LRRC8B: variants seen among roughly 807,000 people sequenced by gnomAD.
LRRC8B encodes volume-regulated anion channel subunit LRRC8B.
Under a neutral mutation model 58.8 loss-of-function variants are expected in LRRC8B, and 23 were observed. The observed-to-expected ratio is 0.39, with a 90% CI of 0.28 to 0.55. The LOEUF is 0.55. LRRC8B is among the 20% of genes least tolerant of loss of function. The pLI is 0.62. For synonymous variants in LRRC8B, 359 were observed against 374.1 expected (o/e 0.96, Z 0.47); for missense variants, 694 against 936.0 (o/e 0.74, Z 3.37).
At chr1:89,573,117 G>A (rs561677632) in intron 3 of LRRC8B, among the ~76,000 whole-genome samples, 3 of 152,112 alleles carry the variant, frequency 2.0e-5, no homozygotes, top group African/African-American at 7.2e-5. Flanking sequence ...TAGCTAACAT[G>A]GTGAAAACCC....
chr1:89,531,388 T>A (rs902324965), intron 1 of LRRC8B, among the ~76,000 whole-genome samples: 2 of 152,212 alleles, frequency 1.3e-5, no homozygotes, highest in African/African-American at 4.8e-5. Flanking sequence ...AATGGCCAGA[T>A]GGTTAATGCT....
At chr1:89,526,280 TCTCGGCTCACTGCAAC>T (rs1407662035) in intron 1 of LRRC8B, among the ~76,000 whole-genome samples, 13 of 152,234 alleles carry the variant, frequency 8.5e-5, no homozygotes, top group African/African-American at 3.1e-4. Context: ...AGTAGTGCGA[TCTCGGCTCACTGCAAC>T]CTCCACCTCC....
At chr1:89,588,539 A>G (rs1312558071) in intron 5 of LRRC8B, among the ~76,000 whole-genome samples, 1 of 152,196 alleles carries the variant, frequency 6.6e-6, no homozygotes, top group Non-Finnish European at 1.5e-5. Context: ...AGATGAGACC[A>G]TTTAGTAAGG....
At chr1:89,572,692 G>C (rs1255804444) in intron 3 of LRRC8B, 2 of 152,162 alleles carry the variant, frequency 1.3e-5, no homozygotes, top group African/African-American at 4.8e-5. Flanking sequence ...GTGGTGTTGG[G>C]GGGTGGTCAG....
intron 1 of LRRC8B, among the ~76,000 whole-genome samples, chr1:89,563,346 G>C (rs1320590426): frequency 6.6e-6 from 1 of 152,068 alleles, no homozygotes; most frequent in Non-Finnish European, 1.5e-5. Flanking sequence ...TATCAGACCT[G>C]TCTGCAGCAT....
intron 1 of LRRC8B, among the ~76,000 whole-genome samples, chr1:89,557,672 C>G (rs1196930714): frequency 6.6e-6 from 1 of 152,234 alleles, no homozygotes; most frequent in Non-Finnish European, 1.5e-5. Context: ...CTCACTCTCA[C>G]TAGTGCGAGG....
chr1:89,568,755 A>AT (rs1653219420), intron 3 of LRRC8B, among the ~76,000 whole-genome samples: 1 of 152,050 alleles, frequency 6.6e-6, no homozygotes, highest in African/African-American at 2.4e-5. Flanking sequence ...GATATTTGTC[A>AT]TTTTTTAACA....
chr1:89,596,260 A>T lies in LRRC8B; in HGVS notation c.*3217A>T, dbSNP rs1034559526. Reference sequence around the variant, plus strand: ...CTTTTCCTAACTTACATCAGGGTACATCTGTGTGGCACACAGATACTATCT... The same window carrying T: ...CTTTTCCTAACTTACATCAGGGTACTTCTGTGTGGCACACAGATACTATCT... On this transcript the variant is annotated 3_prime_UTR_variant, in exon 6 of 6. Transcript: ENST00000330947. 2.0e-5 allele frequency: 3 copies of T among 152,152 alleles called. No individual in the cohort carries two copies. Among genetic ancestry groups the T allele is most frequent in the Non-Finnish European group, 2.9e-5 (2 of 67,974 alleles). The allele number at this position is 152,152 out of a possible 1,614,324, so 9.4% of individuals were successfully genotyped here.
chr1:89,596,945 A>G lies in LRRC8B; in HGVS notation c.*3902A>G, dbSNP rs1477543521. On this transcript the variant is annotated 3_prime_UTR_variant, in exon 6 of 6. Transcript: ENST00000330947. ...ATTGCATCAGAATCTGTTTATTTCT[A>G]TCTGGAAACAGACAGAATGGTGGGG... 6.6e-6 allele frequency: 1 copy of G among 152,158 alleles called. No individual in the cohort carries two copies. Among genetic ancestry groups the G allele is most frequent in the African/African-American group, 2.4e-5 (1 of 41,458 alleles). 9.4% of individuals were successfully genotyped at this position (152,158 alleles called of 1,614,324 possible).
intron 1 of LRRC8B, among the ~76,000 whole-genome samples, chr1:89,545,442 G>A (rs1056066398): frequency 2.0e-5 from 3 of 152,116 alleles, no homozygotes; most frequent in Admixed American, 6.6e-5. Context: ...TAAACAGAAG[G>A]GCAGGACAAG....
chr1:89,560,519 A>G (rs1276335576), intron 1 of LRRC8B, among the ~76,000 whole-genome samples: 3 of 150,924 alleles, frequency 2.0e-5, no homozygotes, highest in Non-Finnish European at 4.4e-5. Flanking sequence ...TATATCTCCC[A>G]ATGCTATCCC....
intron 1 of LRRC8B, among the ~76,000 whole-genome samples, chr1:89,543,572 T>C (rs138195610): frequency 1.3e-5 from 2 of 152,250 alleles, no homozygotes; most frequent in East Asian, 3.9e-4. Flanking sequence ...CTCAGCTCAC[T>C]GCAACCTCTG....
chr1:89,533,128 A>C (rs1570552620), intron 1 of LRRC8B, among the ~76,000 whole-genome samples: 1 of 152,352 alleles, frequency 6.6e-6, no homozygotes, highest in South Asian at 2.1e-4. Context: ...AGCATAGTCT[A>C]TCTGCCAGCA....
chr1:89,594,007 A>T lies in LRRC8B; in HGVS notation c.*964A>T, dbSNP rs1570660370. On this transcript the variant is annotated 3_prime_UTR_variant, in exon 6 of 6. Coordinates refer to ENST00000330947, the MANE Select transcript of LRRC8B (RefSeq NM_001369817.2). ...AGGAGCTGAGTATTTAAGATGTATTATCCTCGGGGCATCCTGAAAATTAAT... is the reference window on the plus strand; with the variant it reads ...AGGAGCTGAGTATTTAAGATGTATTTTCCTCGGGGCATCCTGAAAATTAAT... 3 of 152,338 alleles carry T rather than the reference A, an allele frequency of 2.0e-5. No homozygotes were observed. The highest frequency in any genetic ancestry group is 2.0e-4 in the Admixed American group (3 of 15,304). The allele number at this position is 152,338 out of a possible 1,614,324, so 9.4% of individuals were successfully genotyped here. A position where few individuals can be genotyped will look rare whatever the true frequency, so the allele number is the denominator to read the frequency against.
chr1:89,531,719 G>A (rs1054032391), intron 1 of LRRC8B, among the ~76,000 whole-genome samples: 9 of 152,152 alleles, frequency 5.9e-5, no homozygotes, highest in Non-Finnish European at 1.0e-4. Context: ...CAAATCTCCC[G>A]AACAAATGAC....
At chr1:89,531,724 A>G (rs1355091313) in intron 1 of LRRC8B, among the ~76,000 whole-genome samples, 1 of 152,220 alleles carries the variant, frequency 6.6e-6, no homozygotes, top group Non-Finnish European at 1.5e-5. Context: ...CTCCCGAACA[A>G]ATGACAGCTT....
intron 1 of LRRC8B, among the ~76,000 whole-genome samples, chr1:89,545,344 C>G (rs1387447393): frequency 6.6e-6 from 1 of 152,126 alleles, no homozygotes; most frequent in East Asian, 1.9e-4. Context: ...ACATTTGATT[C>G]CGACAATTTA....
Position 89,583,987 on chromosome 1 carries a change from G to T in LRRC8B, c.1337G>T (p.Ser446Ile), listed in dbSNP as rs748578600. 22 of 1,614,108 alleles carry T rather than the reference G, an allele frequency of 1.4e-5. No homozygotes were observed. The highest frequency in any genetic ancestry group is 1.9e-5 in the Non-Finnish European group (22 of 1,180,058). The stretch of plus-strand genomic sequence containing the variant: ...GAGTTAACTGAAATGGAAGTGCTAA[G>T]CCTGGAGCTTATCCCAGAGGTGAAG... ...VFELTEMEVL[S>I]LELIPEVKLP... The change falls in exon 5 of 6, where the codon AGC becomes ATC. Residue 446 changes from serine (S) to isoleucine (I), a missense_variant. Physicochemically the swap from Ser to Ile is moderately radical, Grantham distance 142 (BLOSUM62 -2). Transcript: ENST00000330947. The surrounding 1 kb of genome is among the most constrained non-coding windows in gnomAD (Gnocchi z 5.2).
At chr1:89,582,600 T>C in intron 4 of LRRC8B, 25 bp from the exon 5 acceptor site, 1 of 1,318,330 alleles carries the variant, frequency 7.6e-7, no homozygotes, top group Non-Finnish European at 1.1e-6. Context: ...GCTTCAGTAG[T>C]GTTTCTTTTA....
Sources: gnomAD v4.1 joint callset for allele counts (sites outside exome capture counted in the v4.1 genomes callset) on GRCh38, gnomAD v4.1.1 for gene constraint, Gnocchi (gnomAD v3.1) non-coding constraint, MANE v1.5 for transcripts, NCBI Gene and HGNC (gene_info 2026-07-23, HGNC 2026-07-21) for gene names.